The following ASCC1 variants were observed in gnomAD, a reference collection of about 807,000 sequenced individuals.
The protein encoded by ASCC1 is activating signal cointegrator 1 complex subunit 1, also known as ASC-1 complex subunit P50.
In ASCC1, 35 loss-of-function variants were observed where a neutral mutation model predicts 46.6. The ratio of observed to expected loss-of-function variants is 0.75; its 90% CI spans 0.57 to 0.99. ASCC1 has a LOEUF of 0.99. ASCC1 is among the 50% of genes least tolerant of loss of function. ASCC1 has a pLI of 0.00. For synonymous variants in ASCC1, 143 were observed against 146.6 expected, an observed-to-expected ratio of 0.98 and a Z score of 0.18; for missense variants, 376 against 428.7, an observed-to-expected ratio of 0.88 and a Z score of 1.09.
chr10:72,105,920 G>C (rs1204882303), intron 9 of ASCC1, among the ~76,000 whole-genome samples: 2 of 152,116 alleles, frequency 1.3e-5, no homozygotes, highest in African/African-American at 4.8e-5. Flanking sequence ...CTCAAACAGA[G>C]GTGGGGAGGA....
chr10:72,120,329 A>C (rs1204996312), intron 9 of ASCC1, among the ~76,000 whole-genome samples: 1 of 152,164 alleles, frequency 6.6e-6, no homozygotes, highest in Non-Finnish European at 1.5e-5. Flanking sequence ...GCTGAGAAAG[A>C]ATCTCTGAGC....
rs1227802075 is a variant in ASCC1, at chr10:72,131,439, T to TACACATACAC, written c.871+1617_871+1618insGTGTATGTGT. Among the ~76,000 whole-genome samples the TACACATACAC allele has an allele frequency of 5.3e-4, 74 of 139,420 alleles. 1 individual carries two copies. Among genetic ancestry groups the TACACATACAC allele is most frequent in the African/African-American group, 2.0e-3 (71 of 36,318 alleles). 91.5% of individuals were successfully genotyped at this position (139,420 alleles called of 152,430 possible). ...CCATTTCAAAAAAATAAAATAAAAA[T>TACACATACAC]ACACACACACACACACACACACACA... On this transcript the variant is annotated intron_variant, in intron 8 of 9. Coordinates refer to ENST00000672957, the MANE Select transcript of ASCC1 (RefSeq NM_001198800.3).
rs1858470252 is a variant in ASCC1 at position 72,213,411 on chromosome 10, T to C, written c.-33-80A>G. On this transcript the variant is annotated intron_variant, in intron 1 of 9. Transcript: ENST00000672957. ...TCTAGTGTCTGAACCATTATGCAGG[T>C]CTGAATTGGGCATCAGTTCACAGTA... 6 of 765,916 alleles carry C rather than the reference T, an allele frequency of 7.8e-6. No individual in the cohort carries two copies. The Admixed American group carries it at 1.0e-4, about 13-fold the overall frequency. The allele number at this position is 765,916 out of a possible 1,614,324, so 47.4% of individuals were successfully genotyped here.
chr10:72,132,992 T>C, intron 8 of ASCC1, 65 bp downstream of exon 8: 2 of 1,608,270 alleles, frequency 1.2e-6, no homozygotes, highest in East Asian at 4.5e-5. Flanking sequence ...TCATTCTACC[T>C]AAACCTCAGA....
rs181060799 is a variant in ASCC1, at chr10:72,159,441, A to G, written c.626+2097T>C. The G allele has an allele frequency of 2.9e-4, 44 of 152,340 alleles. No individual in the cohort carries two copies. In the Middle Eastern group the frequency reaches 0.014, roughly 47 times the overall value. The allele number at this position is 152,340 out of a possible 1,614,324, so 9.4% of individuals were successfully genotyped here. A position where few individuals can be genotyped will look rare whatever the true frequency, so the allele number is the denominator to read the frequency against. On this transcript the variant is annotated intron_variant, in intron 6 of 9. Transcript: ENST00000672957. ...GTGACCTGATTTTCATAAGGTAAAA[A>G]GAACAAGTACTTCTCTAAACAAAAT...
chr10:72,172,888 TATTA>T (rs1851384261), intron 5 of ASCC1, among the ~76,000 whole-genome samples: 1 of 133,990 alleles, frequency 7.5e-6, no homozygotes, highest in African/African-American at 2.7e-5. Flanking sequence ...TATATTTTTA[TATTA>T]TATATATTAT....
intron 5 of ASCC1, among the ~76,000 whole-genome samples, chr10:72,163,443 A>G (rs951516362): frequency 3.9e-5 from 6 of 152,000 alleles, no homozygotes; most frequent in Non-Finnish European, 8.8e-5. Context: ...TCAAAAAGGA[A>G]TGAAATTCTG....
At chr10:72,165,464 C>T (rs142920177) in intron 5 of ASCC1, among the ~76,000 whole-genome samples, 1 of 152,214 alleles carries the variant, frequency 6.6e-6, no homozygotes, top group Non-Finnish European at 1.5e-5. Flanking sequence ...AATCCTATCA[C>T]TGAACTGCAA....
chr10:72,177,654 T>C (rs1852019933), intron 5 of ASCC1, among the ~76,000 whole-genome samples: 1 of 152,212 alleles, frequency 6.6e-6, no homozygotes, highest in Non-Finnish European at 1.5e-5. Flanking sequence ...CCGTTTTTCA[T>C]TACTGATGTG....
intron 9 of ASCC1, among the ~76,000 whole-genome samples, chr10:72,106,530 T>C (rs1416340447): frequency 2.0e-5 from 3 of 151,156 alleles, no homozygotes; most frequent in African/African-American, 4.8e-5. Flanking sequence ...ATCCCGTTTA[T>C]AGATAAAAGT....
intron 9 of ASCC1, 57 bp downstream of exon 9, chr10:72,128,025 C>G (rs1845093056): frequency 6.1e-6 from 8 of 1,319,664 alleles, no homozygotes; most frequent in Non-Finnish European, 8.8e-6. Context: ...ACTTGTTTTC[C>G]TGCCTTATTT....
chr10:72,151,298 C>A (rs1848293454), intron 7 of ASCC1, among the ~76,000 whole-genome samples: 1 of 152,166 alleles, frequency 6.6e-6, no homozygotes, highest in Non-Finnish European at 1.5e-5. Context: ...CCTTTGTGGA[C>A]ATGGATGAAG....
At chr10:72,111,864 G>A (rs1426643129) in intron 9 of ASCC1, among the ~76,000 whole-genome samples, 5 of 152,010 alleles carry the variant, frequency 3.3e-5, no homozygotes, top group Admixed American at 1.3e-4. Context: ...GGATGGTCTC[G>A]ATCTCCTGAC....
At chr10:72,125,094 T>C (rs1002659438) in intron 9 of ASCC1, among the ~76,000 whole-genome samples, 1 of 152,228 alleles carries the variant, frequency 6.6e-6, no homozygotes, top group African/African-American at 2.4e-5. Flanking sequence ...TTTTTCTTAC[T>C]AAGGCTCCCA....
intron 5 of ASCC1, among the ~76,000 whole-genome samples, chr10:72,172,927 T>C (rs7921625): frequency 7.3e-6 from 1 of 136,920 alleles, no homozygotes; most frequent in Admixed American, 8.2e-5. Flanking sequence ...TATTATATAT[T>C]ATATATTTTA....
intron 7 of ASCC1, among the ~76,000 whole-genome samples, chr10:72,138,188 CTT>C (rs1441175407): frequency 1.3e-5 from 2 of 152,158 alleles, no homozygotes; most frequent in Admixed American, 1.3e-4. Flanking sequence ...CTAAATATAA[CTT>C]AGGTCTGAAT....
At chr10:72,190,315 A>C (rs1589544133) in intron 5 of ASCC1, 1 of 884,454 alleles carries the variant, frequency 1.1e-6, no homozygotes, top group East Asian at 2.4e-5. Context: ...TATGACTTAA[A>C]TATTGGATTG....
intron 9 of ASCC1, among the ~76,000 whole-genome samples, chr10:72,105,271 G>A (rs1009450544): frequency 3.3e-5 from 5 of 152,204 alleles, no homozygotes; most frequent in African/African-American, 9.7e-5. Flanking sequence ...GGGACAAAGA[G>A]AACATTCTAA....
intron 9 of ASCC1, among the ~76,000 whole-genome samples, chr10:72,111,931 C>T (rs1420052698): frequency 1.3e-5 from 2 of 152,194 alleles, no homozygotes; most frequent in Non-Finnish European, 2.9e-5. Flanking sequence ...CGTGAGCCAC[C>T]ACGCCAGGCC....
Sources: allele counts gnomAD v4.1 joint callset (sites outside exome capture counted in the v4.1 genomes callset), GRCh38; gene constraint gnomAD v4.1.1; transcripts MANE v1.5; gene names NCBI Gene and HGNC (gene_info 2026-07-23, HGNC 2026-07-21).